PDE12: variants seen among roughly 807,000 people sequenced by gnomAD.
PDE12 encodes phosphodiesterase 12.
A neutral mutation model predicts 45.4 loss-of-function variants in PDE12; 26 were observed. That is an observed-to-expected ratio of 0.57 (90% CI 0.42 to 0.79). The LOEUF (loss-of-function observed/expected upper bound fraction) is 0.79, where lower values mean the gene tolerates loss of function less well. Among genes scored for constraint, PDE12 ranks in the 30% least tolerant of loss-of-function variants. The probability of loss-of-function intolerance (pLI) is 0.00; values close to 1 mark genes in which losing one functional copy is unlikely to be tolerated. For synonymous variants in PDE12, 283 were observed against 323.9 expected, an observed-to-expected ratio of 0.87 and a Z score of 1.36; for missense variants, 668 against 790.0, an observed-to-expected ratio of 0.85 and a Z score of 1.85.
chr3:57,623,788 C>CA, the PDE12 span, among the ~76,000 whole-genome samples: 1 of 152,082 alleles, frequency 6.6e-6, no homozygotes, highest in African/African-American at 2.4e-5. Context: ...ATAATGTATT[C>CA]AGACTGGCTG....
the PDE12 span, among the ~76,000 whole-genome samples, chr3:57,623,003 T>C: frequency 6.6e-6 from 1 of 152,200 alleles, no homozygotes; most frequent in African/African-American, 2.4e-5. Context: ...CTATCTTGGC[T>C]GTGATGATGG....
chr3:57,597,225 T>A, the PDE12 span: 1 of 1,311,626 alleles, frequency 7.6e-7, no homozygotes, highest in Non-Finnish European at 1.1e-6. Context: ...CCAGGCAAAC[T>A]AAACGAGAGG....
the PDE12 span, chr3:57,596,914 C>T: frequency 1.4e-6 from 1 of 705,364 alleles, no homozygotes; most frequent in Non-Finnish European, 2.4e-6. Context: ...ATCGCTCACC[C>T]TCCGCTCCAT....
In PDE12 at chr3:57,556,297, C is replaced by T; in HGVS notation, c.-83C>T. ...TCGCGAGATCTGAATGAGTCAAAGC[C>T]GGCGGCCTCGGCTCCTCAGCTCCAC... On this transcript the variant is annotated 5_prime_UTR_variant, in exon 1 of 3. Coordinates refer to ENST00000311180, the MANE Select transcript of PDE12 (RefSeq NM_177966.7). This position sits in a 1 kb window ranked among gnomAD's most constrained non-coding sequence, Gnocchi z 5.0. 4 of 1,386,874 alleles carry T rather than the reference C, an allele frequency of 2.9e-6. No individual in the cohort carries two copies. The highest frequency in any genetic ancestry group is 3.8e-6 in the Non-Finnish European group (4 of 1,044,730). 85.9% of individuals were successfully genotyped at this position (1,386,874 alleles called of 1,614,324 possible).
At chr3:57,613,277 C>G in the PDE12 span, among the ~76,000 whole-genome samples, 3 of 145,940 alleles carry the variant, frequency 2.1e-5, no homozygotes, top group African/African-American at 7.6e-5. Flanking sequence ...CACTGCCTGG[C>G]CATAAAAAAA....
the PDE12 span, chr3:57,630,654 T>C: frequency 6.4e-7 from 1 of 1,563,172 alleles, no homozygotes. Context: ...AAGTTTAGCT[T>C]TTTGTTTTGC....
chr3:57,618,989 T>C, the PDE12 span, among the ~76,000 whole-genome samples: 51 of 152,302 alleles, frequency 3.3e-4, 1 homozygote, highest in East Asian at 9.3e-3. Context: ...TTAAATAATT[T>C]GATAAATACA....
chr3:57,608,814 CATT>C, the PDE12 span, among the ~76,000 whole-genome samples: 3 of 152,142 alleles, frequency 2.0e-5, no homozygotes, highest in African/African-American at 7.2e-5. Flanking sequence ...CCACTGTCAA[CATT>C]AGACAGATCA....
chr3:57,624,647 C>A, the PDE12 span, among the ~76,000 whole-genome samples: 11 of 151,546 alleles, frequency 7.3e-5, no homozygotes, highest in Non-Finnish European at 1.2e-4. Flanking sequence ...ACTTGTAATC[C>A]CAGCTACTTG....
the PDE12 span, among the ~76,000 whole-genome samples, chr3:57,605,198 G>T: frequency 6.6e-6 from 1 of 152,150 alleles, no homozygotes; most frequent in East Asian, 1.9e-4. Context: ...GAGTAAGCCT[G>T]GTGGAGTCTT....
At chr3:57,608,756 G>C in the PDE12 span, among the ~76,000 whole-genome samples, 3 of 152,174 alleles carry the variant, frequency 2.0e-5, no homozygotes, top group East Asian at 3.9e-4. Flanking sequence ...TAGAGACCTA[G>C]AAAGAGACTT....
At chr3:57,621,444 T>C in the PDE12 span, among the ~76,000 whole-genome samples, 48 of 152,138 alleles carry the variant, frequency 3.2e-4, no homozygotes, top group African/African-American at 1.1e-3. Context: ...CTGAGGCAGA[T>C]GGATCACTTG....
downstream of PDE12, among the ~76,000 whole-genome samples, chr3:57,569,560 TAGTC>T (rs1227717510): frequency 5.3e-5 from 8 of 152,068 alleles, no homozygotes; most frequent in Non-Finnish European, 7.4e-5. Context: ...CCATGTTTGT[TAGTC>T]AGTCTGGTCT....
chr3:57,647,750 C>T, the PDE12 span, among the ~76,000 whole-genome samples: 1 of 148,322 alleles, frequency 6.7e-6, no homozygotes, highest in South Asian at 2.1e-4. Context: ...GAGGCTTGAC[C>T]TGGTGTTGAG....
At chr3:57,598,441 C>T in the PDE12 span, among the ~76,000 whole-genome samples, 2 of 152,108 alleles carry the variant, frequency 1.3e-5, no homozygotes, top group African/African-American at 4.8e-5. Context: ...ACCTTATCTA[C>T]CCTTCAGAGA....
At chr3:57,558,472 A>G (rs1397191477) in intron 1 of PDE12, among the ~76,000 whole-genome samples, 1 of 148,932 alleles carries the variant, frequency 6.7e-6, no homozygotes, top group Non-Finnish European at 1.5e-5. Flanking sequence ...TTATATTACT[A>G]GCTTTATATA....
At chr3:57,645,843 T>C in the PDE12 span, 1 of 916,372 alleles carries the variant, frequency 1.1e-6, no homozygotes. Context: ...ACAAACGGTA[T>C]ACACACAAAG....
chr3:57,631,289 C>T, the PDE12 span: 113 of 212,294 alleles, frequency 5.3e-4, no homozygotes, highest in Non-Finnish European at 7.7e-4. Context: ...CTCTGCCCCC[C>T]GGGTTCAAGC....
rs1000284456 is a variant in PDE12 at position 57,565,420 on chromosome 3, T to C, written c.*5416T>C. The C allele has an allele frequency of 6.6e-6, 1 of 152,156 alleles. No homozygotes were observed. Among genetic ancestry groups the C allele is most frequent in the East Asian group, 1.9e-4 (1 of 5,206 alleles). The allele number at this position is 152,156 out of a possible 1,614,324, so 9.4% of individuals were successfully genotyped here. A position where few individuals can be genotyped will look rare whatever the true frequency, so the allele number is the denominator to read the frequency against. On this transcript the variant is annotated 3_prime_UTR_variant, in exon 3 of 3. Transcript: ENST00000311180. ...GACATATTTCTTTTGATAGAGTAAA[T>C]TGAGTATTCATCACATCAAGCATTC...
Sources: allele counts gnomAD v4.1 joint callset (sites outside exome capture counted in the v4.1 genomes callset), GRCh38; gene constraint gnomAD v4.1.1; non-coding constraint Gnocchi (gnomAD v3.1); transcripts MANE v1.5; gene names NCBI Gene and HGNC (gene_info 2026-07-23, HGNC 2026-07-21).